SLC15A5: variants seen among roughly 807,000 people sequenced by gnomAD.
The protein encoded by SLC15A5 is Peptide/histidine transporter ENSP00000340402.
SLC15A5 carries 58 observed loss-of-function variants against 56.1 expected under a neutral mutation model. The observed-to-expected ratio is 1.03, with a 90% confidence interval of 0.84 to 1.29. The LOEUF (loss-of-function observed/expected upper bound fraction) is 1.29. Ranked by LOEUF, SLC15A5 falls within the 50% of genes most tolerant of loss-of-function variation. The pLI is 0.00. For synonymous variants in SLC15A5, 264 were observed against 250.5 expected, an observed-to-expected ratio of 1.05 and a Z score of -0.51; for missense variants, 681 against 672.1, an observed-to-expected ratio of 1.01 and a Z score of -0.15.
intron 5 of SLC15A5, among the ~76,000 whole-genome samples, chr12:16,233,082 A>T (rs905724541): frequency 1.2e-4 from 19 of 152,260 alleles, no homozygotes; most frequent in African/African-American, 4.6e-4. Context: ...TTCTTTCAGA[A>T]TTTGAATTCT....
chr12:16,248,530 A>C (rs970307661), intron 3 of SLC15A5, among the ~76,000 whole-genome samples: 3 of 152,076 alleles, frequency 2.0e-5, no homozygotes, highest in Non-Finnish European at 4.4e-5. Flanking sequence ...GAGACCCAGT[A>C]AGTCAGCAAG....
chr12:16,212,949 T>TA (rs550509429), intron 7 of SLC15A5, among the ~76,000 whole-genome samples: 103 of 152,158 alleles, frequency 6.8e-4, no homozygotes, highest in African/African-American at 2.5e-3. Flanking sequence ...TCCTGAAAAT[T>TA]AAAAAAAGTT....
At chr12:16,219,908 C>A (rs528980445) in intron 6 of SLC15A5, among the ~76,000 whole-genome samples, 1 of 152,040 alleles carries the variant, frequency 6.6e-6, no homozygotes. Context: ...TGCCAATGAG[C>A]GCTAAAAATG....
At chr12:16,265,743 A>G (rs1315481766) in intron 2 of SLC15A5, among the ~76,000 whole-genome samples, 2 of 152,152 alleles carry the variant, frequency 1.3e-5, no homozygotes, top group African/African-American at 2.4e-5. Context: ...TTGGCCTCCC[A>G]AAGTGCTGGG....
chr12:16,263,596 A>G (rs562674829), intron 2 of SLC15A5, among the ~76,000 whole-genome samples: 1 of 152,312 alleles, frequency 6.6e-6, no homozygotes, highest in South Asian at 2.1e-4. Context: ...ATGTCTCTCC[A>G]GGGCATGTCA....
At chr12:16,244,220 G>T (rs1427816086) in intron 4 of SLC15A5, among the ~76,000 whole-genome samples, 1 of 152,146 alleles carries the variant, frequency 6.6e-6, no homozygotes, top group Admixed American at 6.5e-5. Flanking sequence ...AAGGTTTAAT[G>T]AGGGAGGAAG....
At chr12:16,249,724 A>G (rs968301526) in intron 3 of SLC15A5, among the ~76,000 whole-genome samples, 7 of 152,180 alleles carry the variant, frequency 4.6e-5, no homozygotes, top group African/African-American at 1.7e-4. Context: ...TAGATTAAGA[A>G]GCAAATGAAT....
At chr12:16,270,767 C>A (rs1175244106) in intron 2 of SLC15A5, among the ~76,000 whole-genome samples, 2 of 152,118 alleles carry the variant, frequency 1.3e-5, no homozygotes, top group Non-Finnish European at 2.9e-5. Flanking sequence ...AGTCTCTGTC[C>A]ATCTTGTCAC....
Position 16,244,879 on chromosome 12 carries a change from G to A in SLC15A5, c.755-79C>T, listed in dbSNP as rs188370901. 3.1e-5 allele frequency: 43 copies of A among 1,395,038 alleles called. No homozygotes were observed. In the Admixed American group the frequency reaches 7.8e-4, roughly 25 times the overall value. The allele number at this position is 1,395,038 out of a possible 1,614,324, so 86.4% of individuals were successfully genotyped here. A position where few individuals can be genotyped will look rare whatever the true frequency, so the allele number is the denominator to read the frequency against. On this transcript the variant is annotated intron_variant, in intron 3 of 8. Transcript: ENST00000344941. Reference sequence around the variant, plus strand: ...TCAAGATGCTGATCAGAAAGATAACGATTCAAGGATTCACGGCAGTGAAGT... The same window carrying A: ...TCAAGATGCTGATCAGAAAGATAACAATTCAAGGATTCACGGCAGTGAAGT...
At chr12:16,234,365 A>C (rs1286824621) in intron 5 of SLC15A5, among the ~76,000 whole-genome samples, 1 of 152,208 alleles carries the variant, frequency 6.6e-6, no homozygotes. Flanking sequence ...TTTAGGGCAA[A>C]GCATATTTTA....
In SLC15A5 at chr12:16,277,130, A is replaced by ACACT. The variant is rs1491437357; in HGVS notation, c.361+194_361+195insAGTG. On this transcript the variant is annotated intron_variant, in intron 1 of 8. Coordinates refer to ENST00000344941, the MANE Select transcript of SLC15A5 (RefSeq NM_001170798.1). ...TGATATAGGCACAAAACATTCTCTA[A>ACACT]CACACACACACACACACACAGACTT... Among the ~76,000 whole-genome samples the ACACT allele has an allele frequency of 8.0e-4, 4 of 4,990 alleles. No individual in the cohort carries two copies. The Non-Finnish European group carries it at 0.018, about 22-fold the overall frequency. The allele number at this position is 4,990 out of a possible 152,430, so 3.3% of individuals were successfully genotyped here. A position where few individuals can be genotyped will look rare whatever the true frequency, so the allele number is the denominator to read the frequency against.
At chr12:16,193,815 GA>G (rs1863864431) in intron 8 of SLC15A5, among the ~76,000 whole-genome samples, 1 of 144,266 alleles carries the variant, frequency 6.9e-6, no homozygotes, top group African/African-American at 2.7e-5. Context: ...GAGAGAGAGA[GA>G]GAGAGAGAGA....
chr12:16,196,407 C>T lies in SLC15A5; in HGVS notation c.1484-1954G>A, dbSNP rs1241235464. On this transcript the variant is annotated intron_variant, in intron 7 of 8. Transcript: ENST00000344941. This position sits in a 1 kb window ranked among gnomAD's most constrained non-coding sequence, Gnocchi z 4.0. ...GTGTGTGTGCATGTGTGTGTGTGTG[C>T]CCGTGCATGTGTGCACACAGGAACT... is the stretch of plus-strand genomic sequence containing the variant. 6.6e-6 allele frequency among the ~76,000 whole-genome samples: 1 copy of T among 151,408 alleles called. No homozygotes were observed. The highest frequency in any genetic ancestry group is 6.6e-5 in the Admixed American group (1 of 15,136).
At chr12:16,261,588 A>C (rs952594298) in intron 2 of SLC15A5, among the ~76,000 whole-genome samples, 1 of 152,168 alleles carries the variant, frequency 6.6e-6, no homozygotes, top group African/African-American at 2.4e-5. Context: ...CTTGGTTAAA[A>C]CCTAGGAGTG....
intron 2 of SLC15A5, among the ~76,000 whole-genome samples, chr12:16,258,579 G>A (rs1479521363): frequency 3.9e-5 from 6 of 152,134 alleles, no homozygotes; most frequent in African/African-American, 1.4e-4. Context: ...AAAATTAAAT[G>A]CAATAAAATT....
chr12:16,270,835 A>G (rs1009453199), intron 2 of SLC15A5, among the ~76,000 whole-genome samples: 1 of 152,206 alleles, frequency 6.6e-6, no homozygotes, highest in African/African-American at 2.4e-5. Context: ...AACTGCAGTA[A>G]GGTAAGTGAA....
chr12:16,269,332 G>T lies in SLC15A5; in HGVS notation c.584+3229C>A, dbSNP rs1473970557. 1.3e-5 allele frequency among the ~76,000 whole-genome samples: 2 copies of T among 152,150 alleles called. No homozygotes were observed. The highest frequency in any genetic ancestry group is 3.9e-4 in the East Asian group (2 of 5,182). ...TGAGCAACACTGCGTTGGAACAGTG[G>T]TTCTCAACTCTAACTGGGCAGCTTT... is the stretch of plus-strand genomic sequence containing the variant. On this transcript the variant is annotated intron_variant, in intron 2 of 8. Transcript: ENST00000344941. The surrounding 1 kb of genome is among the most constrained non-coding windows in gnomAD (Gnocchi z 4.7).
chr12:16,275,616 CCT>C (rs1389538736), intron 1 of SLC15A5, among the ~76,000 whole-genome samples: 14 of 151,844 alleles, frequency 9.2e-5, no homozygotes, highest in Admixed American at 2.0e-4. Context: ...TTATATATAA[CCT>C]CTGAAATTTA....
At chr12:16,203,946 A>G (rs2136240947) in intron 7 of SLC15A5, among the ~76,000 whole-genome samples, 1 of 152,322 alleles carries the variant, frequency 6.6e-6, no homozygotes, top group Admixed American at 6.5e-5. Flanking sequence ...AAAATGAATC[A>G]GTTCAAATAG....
Sources: allele counts gnomAD v4.1 joint callset (sites outside exome capture counted in the v4.1 genomes callset), GRCh38; gene constraint gnomAD v4.1.1; non-coding constraint Gnocchi (gnomAD v3.1); transcripts MANE v1.5; gene names NCBI Gene and HGNC (gene_info 2026-07-23, HGNC 2026-07-21).